Variants in INTS9 observed in about 807,000 individuals in gnomAD.
INTS9 encodes the protein protein related to CPSF subunits of 74 kDa.
Under a neutral mutation model 79.7 loss-of-function variants are expected in INTS9, and 55 were observed. That is an observed-to-expected ratio of 0.69 (90% CI 0.56 to 0.86). The LOEUF (loss-of-function observed/expected upper bound fraction) is 0.86. Among genes scored for constraint, INTS9 ranks in the 40% least tolerant of loss-of-function variants. The pLI is 0.00. For missense variants in INTS9, 721 were observed against 831.5 expected (o/e 0.87, Z 1.64); for synonymous variants, 319 against 325.2 (o/e 0.98, Z 0.20).
chr8:28,769,243 T>C (rs975339674), intron 16 of INTS9, among the ~76,000 whole-genome samples: 12 of 152,248 alleles, frequency 7.9e-5, no homozygotes, highest in African/African-American at 2.9e-4. Flanking sequence ...CTTGTAATGA[T>C]TGTAATTTGT....
chr8:28,846,830 A>G, intron 3 of INTS9, 21 bp from the exon 4 acceptor site: 1 of 1,584,118 alleles, frequency 6.3e-7, no homozygotes, highest in East Asian at 2.2e-5. Context: ...TGAAAAGGAA[A>G]AATACAAGGA....
chr8:28,812,406 C>A lies in INTS9; in HGVS notation c.665G>T (p.Ser222Ile). Reference protein sequence around the residue: ...TPLSSGYALGSSNWIIQSHYE... With the variant: ...TPLSSGYALGISNWIIQSHYE... ...ATGAGACTGGATGATCCAGTTGGAG[C>A]TCCCAAGGGCATAGCCAGAGCTCAG... Residue 222 changes from serine (S) to isoleucine (I), a missense_variant, in exon 8 of 17, where the codon AGC (serine) becomes ATC (isoleucine). This residue lies in a region of INTS9 where 291 missense variants were observed against 307.0 expected (regional missense o/e 0.95). Coordinates refer to ENST00000521022, the MANE Select transcript of INTS9 (RefSeq NM_018250.4). The A allele has an allele frequency of 6.2e-7, 1 of 1,614,032 alleles. No individual in the cohort carries two copies.
At chr8:28,877,725 A>G (rs1644941157) in intron 1 of INTS9, among the ~76,000 whole-genome samples, 1 of 152,230 alleles carries the variant, frequency 6.6e-6, no homozygotes, top group South Asian at 2.1e-4. Context: ...TTTTAGCAAC[A>G]GTATGAATGT....
intron 5 of INTS9, 29 bp downstream of exon 5, chr8:28,837,608 C>T: frequency 6.2e-7 from 1 of 1,607,508 alleles, no homozygotes. Flanking sequence ...GCAGTCACAT[C>T]CTAGCAGGGT....
chr8:28,816,110 T>C (rs942191827), intron 6 of INTS9, among the ~76,000 whole-genome samples: 4 of 152,010 alleles, frequency 2.6e-5, no homozygotes, highest in Admixed American at 2.0e-4. Context: ...CCAAGGACTA[T>C]ATATCTAGCA....
At chr8:28,779,672 A>C (rs1003662548) in intron 12 of INTS9, among the ~76,000 whole-genome samples, 28 of 152,254 alleles carry the variant, frequency 1.8e-4, no homozygotes, top group African/African-American at 5.8e-4. Context: ...GCATCACCGA[A>C]CACCAGCCGG....
At chr8:28,833,251 G>C (rs1806602519) in intron 6 of INTS9, among the ~76,000 whole-genome samples, 1 of 152,156 alleles carries the variant, frequency 6.6e-6, no homozygotes, top group African/African-American at 2.4e-5. Context: ...CACTGATCTA[G>C]AGGGAAAGAG....
chr8:28,775,997 G>C, intron 13 of INTS9, 71 bp from the exon 14 acceptor site: 1 of 1,248,656 alleles, frequency 8.0e-7, no homozygotes, highest in Non-Finnish European at 1.1e-6. Context: ...GCCCATTCCT[G>C]ACCCCGATCC....
At chr8:28,847,808 C>G (rs911229416) in intron 3 of INTS9, among the ~76,000 whole-genome samples, 1 of 152,164 alleles carries the variant, frequency 6.6e-6, no homozygotes, top group Admixed American at 6.5e-5. Context: ...GATAATGGCA[C>G]TGAGCCACAT....
intron 1 of INTS9, among the ~76,000 whole-genome samples, chr8:28,868,670 A>C (rs1808895081): frequency 6.6e-6 from 1 of 152,194 alleles, no homozygotes; most frequent in Admixed American, 6.5e-5. Flanking sequence ...ACAAATGAGG[A>C]GATTTAACTA....
At chr8:28,812,302 T>A in intron 8 of INTS9, 25 bp downstream of exon 8, 1 of 1,609,144 alleles carries the variant, frequency 6.2e-7, no homozygotes. Flanking sequence ...AAAAGCTGAG[T>A]TGCTAGAAGA....
chr8:28,885,571 G>A (rs925387259), intron 1 of INTS9, among the ~76,000 whole-genome samples: 5 of 152,140 alleles, frequency 3.3e-5, no homozygotes, highest in African/African-American at 1.2e-4. Flanking sequence ...CTCCATCTCA[G>A]GTACTATCTG....
intron 10 of INTS9, among the ~76,000 whole-genome samples, chr8:28,788,217 C>T (rs1023439826): frequency 5.3e-5 from 8 of 152,332 alleles, no homozygotes; most frequent in African/African-American, 1.9e-4. Flanking sequence ...TCTGATATGA[C>T]TGGCACAGTC....
At chr8:28,773,463 CAAA>C (rs142334976) in intron 14 of INTS9, among the ~76,000 whole-genome samples, 1,312 of 107,810 alleles carry the variant, frequency 0.012, 18 homozygotes, top group African/African-American at 0.041. Context: ...GACTCCGTCT[CAAA>C]AAAAAAAAAA....
intron 8 of INTS9, among the ~76,000 whole-genome samples, chr8:28,811,256 T>C (rs914295384): frequency 6.6e-6 from 1 of 151,856 alleles, no homozygotes; most frequent in African/African-American, 2.4e-5. Context: ...GCCTCCCAAG[T>C]AGCTGGGATT....
In INTS9 at chr8:28,793,896, G is replaced by T. The variant is rs746827957; in HGVS notation, c.948C>A (p.Ile316=). 1.2e-5 allele frequency: 19 copies of T among 1,613,886 alleles called. No individual in the cohort carries two copies. In the South Asian group the frequency reaches 2.1e-4, roughly 18 times the overall value. The change falls in exon 10 of 17, where the codon ATC becomes ATA. Residue 316 remains isoleucine (I), a synonymous_variant. Transcript: ENST00000521022. Reference sequence around the variant, plus strand: ...GGACGCTGGAAAGCCCGGCTGAGTCGATGTACTGATATAGGCACTCCAGGA... The same window carrying T: ...GGACGCTGGAAAGCCCGGCTGAGTCTATGTACTGATATAGGCACTCCAGGA... The part of the protein sequence containing the change: ...YDLLECLYQY[I]DSAGLSSVPL...
chr8:28,842,499 A>G (rs1807249887), intron 4 of INTS9, among the ~76,000 whole-genome samples: 1 of 152,184 alleles, frequency 6.6e-6, no homozygotes, highest in South Asian at 2.1e-4. Flanking sequence ...AGACTGTCTA[A>G]TGTCAATTTG....
At chr8:28,850,128 C>A in intron 3 of INTS9, 85 bp downstream of exon 3, 2 of 1,002,336 alleles carry the variant, frequency 2.0e-6, no homozygotes, top group South Asian at 1.5e-5. Flanking sequence ...AGCCATCAGT[C>A]ACACTACTAC....
intron 1 of INTS9, among the ~76,000 whole-genome samples, chr8:28,886,171 A>AT (rs1350332341): frequency 3.3e-5 from 5 of 152,216 alleles, no homozygotes; most frequent in Admixed American, 6.5e-5. Context: ...ATGCTCTGAT[A>AT]TGGGGGCCTT....
Sources: allele counts gnomAD v4.1 joint callset (sites outside exome capture counted in the v4.1 genomes callset), GRCh38; gene constraint gnomAD v4.1.1; regional missense constraint gnomAD v4.1.1; transcripts MANE v1.5; gene names NCBI Gene and HGNC (gene_info 2026-07-23, HGNC 2026-07-21).